Variants in C11orf65 observed in about 807,000 individuals in gnomAD.
C11orf65 encodes the protein protein MFI.
A neutral mutation model predicts 35.3 loss-of-function variants in C11orf65; 38 were observed. The observed-to-expected ratio is 1.08, with a 90% CI of 0.83 to 1.41. C11orf65 has a LOEUF of 1.41. Among genes scored for constraint, C11orf65 ranks in the 40% most tolerant of loss-of-function variants. The probability of loss-of-function intolerance (pLI) is 0.00; values close to 1 mark genes in which losing one functional copy is unlikely to be tolerated. For missense variants in C11orf65, 370 were observed against 367.1 expected (o/e 1.01, Z -0.06); for synonymous variants, 105 against 114.4 (o/e 0.92, Z 0.53).
chr11:108,319,026 A>T (rs1427157540), intron 6 of C11orf65, among the ~76,000 whole-genome samples: 1 of 152,096 alleles, frequency 6.6e-6, no homozygotes, highest in African/African-American at 2.4e-5. Flanking sequence ...AAAATACAAA[A>T]GTTAGCTGGG....
chr11:108,430,585 T>C (rs559335461), intron 3 of C11orf65, among the ~76,000 whole-genome samples: 19 of 152,228 alleles, frequency 1.2e-4, no homozygotes, highest in African/African-American at 3.9e-4. Flanking sequence ...GGTTTACACC[T>C]GTAATCCCAG....
chr11:108,425,106 A>C (rs1348507130), intron 3 of C11orf65, among the ~76,000 whole-genome samples: 1 of 152,202 alleles, frequency 6.6e-6, no homozygotes, highest in Non-Finnish European at 1.5e-5. Context: ...CTAGAGAAGC[A>C]AGAGCAAACA....
chr11:108,413,338 C>T (rs1286123912), intron 3 of C11orf65, among the ~76,000 whole-genome samples: 1 of 152,152 alleles, frequency 6.6e-6, no homozygotes, highest in Admixed American at 6.6e-5. Flanking sequence ...GTCCACTTCC[C>T]TCCAACCAGC....
chr11:108,414,355 A>G (rs1439563318), intron 3 of C11orf65, among the ~76,000 whole-genome samples: 1 of 152,014 alleles, frequency 6.6e-6, no homozygotes, highest in Non-Finnish European at 1.5e-5. Flanking sequence ...TGAAGGAAAA[A>G]AAAAGAAACA....
At chr11:108,420,595 G>A (rs1233111374) in intron 3 of C11orf65, among the ~76,000 whole-genome samples, 1 of 152,086 alleles carries the variant, frequency 6.6e-6, no homozygotes, top group Non-Finnish European at 1.5e-5. Flanking sequence ...GGCTGTCTGT[G>A]GACTGCAGTC....
chr11:108,465,072 A>T (rs1017588474), intron 1 of C11orf65, among the ~76,000 whole-genome samples: 1 of 152,178 alleles, frequency 6.6e-6, no homozygotes, highest in African/African-American at 2.4e-5. Flanking sequence ...TTATCAATGT[A>T]GTGTGTGTGT....
chr11:108,419,619 T>C (rs779861870), intron 3 of C11orf65, among the ~76,000 whole-genome samples: 1 of 152,232 alleles, frequency 6.6e-6, no homozygotes, highest in Admixed American at 6.5e-5. Context: ...GAAGGATCAC[T>C]TGAGCCCAGG....
At chr11:108,400,392 C>G (rs2092416522) in intron 6 of C11orf65, among the ~76,000 whole-genome samples, 1 of 152,100 alleles carries the variant, frequency 6.6e-6, no homozygotes, top group African/African-American at 2.4e-5. Context: ...TTCTGCTCAC[C>G]ACATCCAATC....
intron 2 of C11orf65, chr11:108,340,099 T>C (rs1243606420): frequency 1.3e-5 from 2 of 152,224 alleles, no homozygotes; most frequent in Non-Finnish European, 2.9e-5. Context: ...CAAAGTGTAT[T>C]GTTAGAGATG....
intron 2 of C11orf65, among the ~76,000 whole-genome samples, chr11:108,363,879 A>G (rs970628580): frequency 1.3e-4 from 20 of 152,308 alleles, no homozygotes; most frequent in African/African-American, 4.6e-4. Context: ...TCTAGTCTGT[A>G]TTAGAGGCCT....
intron 6 of C11orf65, chr11:108,325,637 A>G (rs1473509713): frequency 1.9e-5 from 21 of 1,080,828 alleles, no homozygotes; most frequent in Non-Finnish European, 1.4e-6. Context: ...AAATGTCATT[A>G]AGAGATAGAG....
At chr11:108,365,240 T>A (rs764158561) in intron 2 of C11orf65, 1 of 1,614,172 alleles carries the variant, frequency 6.2e-7, no homozygotes. Context: ...TTTAAGAAGG[T>A]CCTGTTGTCA....
At chr11:108,469,666 C>G (rs1055459027), upstream of C11orf65, among the ~76,000 whole-genome samples, 8 of 152,034 alleles carry the variant, frequency 5.3e-5, no homozygotes, top group Non-Finnish European at 1.0e-4. Flanking sequence ...TCAGCAATTT[C>G]TACATAACAG....
intron 2 of C11orf65, among the ~76,000 whole-genome samples, chr11:108,374,194 TCC>T (rs2091651752): frequency 6.6e-6 from 1 of 151,276 alleles, no homozygotes; most frequent in South Asian, 2.1e-4. Flanking sequence ...CTCAAGTAGG[TCC>T]CTGACCCCTG....
intron 2 of C11orf65, chr11:108,336,128 C>A: frequency 1.1e-5 from 6 of 535,984 alleles, no homozygotes; most frequent in African/African-American, 2.0e-5. Context: ...GAGACCCCAT[C>A]TTGACAAAAA....
downstream of C11orf65, among the ~76,000 whole-genome samples, chr11:108,328,371 CA>C (rs2085902223): frequency 6.6e-6 from 1 of 152,130 alleles, no homozygotes; most frequent in Admixed American, 6.5e-5. Context: ...CTCAGCTTCC[CA>C]AGTAGCTGGG....
intron 2 of C11orf65, among the ~76,000 whole-genome samples, chr11:108,449,508 C>G (rs2093316690): frequency 6.6e-6 from 1 of 151,964 alleles, no homozygotes; most frequent in Non-Finnish European, 1.5e-5. Context: ...TGCTCTTTGA[C>G]AAACCTGAGA....
chr11:108,338,893 G>A (rs543174283), intron 2 of C11orf65, among the ~76,000 whole-genome samples: 1 of 152,282 alleles, frequency 6.6e-6, no homozygotes, highest in African/African-American at 2.4e-5. Context: ...CTACAGCGAA[G>A]TAGTCTACCC....
At chr11:108,317,242 A>G in intron 6 of C11orf65, 1 of 900,632 alleles carries the variant, frequency 1.1e-6, no homozygotes, top group South Asian at 1.5e-5. Flanking sequence ...CCCAGCTGAT[A>G]TTTTGGGATT....
Sources: gnomAD v4.1 joint callset for allele counts (sites outside exome capture counted in the v4.1 genomes callset) on GRCh38, gnomAD v4.1.1 for gene constraint, MANE v1.5 for transcripts, NCBI Gene and HGNC (gene_info 2026-07-23, HGNC 2026-07-21) for gene names.